The following LINGO2 variants were observed in gnomAD, a reference collection of about 807,000 sequenced individuals.
LINGO2 encodes leucine-rich repeat and immunoglobulin-like domain-containing nogo receptor-interacting protein 2.
In LINGO2, 14 loss-of-function variants were observed where a neutral mutation model predicts 30.6. The ratio of observed to expected loss-of-function variants is 0.46; its 90% CI spans 0.30 to 0.72. The LOEUF is 0.72. Ranked by LOEUF, LINGO2 falls within the 30% of genes least tolerant of loss-of-function variation. LINGO2 has a pLI of 0.07. For missense variants in LINGO2, 729 were observed against 751.7 expected (o/e 0.97, Z 0.35); for synonymous variants, 317 against 288.5 (o/e 1.10, Z -1.00).
At chr9:28,616,670 GA>G (rs1563866657) in intron 1 of LINGO2, among the ~76,000 whole-genome samples, 1 of 152,226 alleles carries the variant, frequency 6.6e-6, no homozygotes, top group Non-Finnish European at 1.5e-5. Context: ...GACAGAACTG[GA>G]AAAAAATGCA....
At chr9:29,005,412 A>T in the LINGO2 span, among the ~76,000 whole-genome samples, 1 of 151,902 alleles carries the variant, frequency 6.6e-6, no homozygotes, top group Non-Finnish European at 1.5e-5. Context: ...TCTATGAGAG[A>T]TTGGTTCCAA....
At chr9:27,951,324 T>G (rs2118351414) in intron 5 of LINGO2, among the ~76,000 whole-genome samples, 1 of 152,332 alleles carries the variant, frequency 6.6e-6, no homozygotes, top group East Asian at 1.9e-4. Context: ...AACTTTAATT[T>G]ATGAAGGGAT....
the LINGO2 span, among the ~76,000 whole-genome samples, chr9:29,059,811 C>T: frequency 4.6e-5 from 7 of 151,996 alleles, no homozygotes; most frequent in East Asian, 1.2e-3. Flanking sequence ...ACAAAAATGT[C>T]GTAGGCAGGG....
the LINGO2 span, among the ~76,000 whole-genome samples, chr9:28,835,170 G>A: frequency 6.6e-6 from 1 of 152,036 alleles, no homozygotes; most frequent in Non-Finnish European, 1.5e-5. Context: ...AACTCAAAAA[G>A]GCATTAAATA....
At chr9:28,526,713 C>T (rs1337200631) in intron 1 of LINGO2, among the ~76,000 whole-genome samples, 2 of 152,152 alleles carry the variant, frequency 1.3e-5, no homozygotes, top group Non-Finnish European at 2.9e-5. Flanking sequence ...TATAGATATC[C>T]CTGGAAGCTC....
At chr9:28,546,045 A>T (rs1280520239) in intron 1 of LINGO2, among the ~76,000 whole-genome samples, 1 of 152,096 alleles carries the variant, frequency 6.6e-6, no homozygotes, top group Non-Finnish European at 1.5e-5. Flanking sequence ...GCACAGAAAG[A>T]CAAATACTTC....
Position 28,351,504 on chromosome 9 carries a change from A to G in LINGO2, c.-246+21332T>C, listed in dbSNP as rs987513820. Among the ~76,000 whole-genome samples the G allele has an allele frequency of 6.4e-4, 97 of 151,044 alleles. 1 individual carries two copies. The highest frequency in any genetic ancestry group is 2.2e-3 in the African/African-American group (90 of 40,910). On this transcript the variant is annotated intron_variant, in intron 3 of 5. Transcript: ENST00000379992. ...AACAGGAGCTGAAATTGTGGCAATA[A>G]TCAATAGCTTACCAACCAAAAAGAG...
chr9:28,794,112 T>C, the LINGO2 span, among the ~76,000 whole-genome samples: 1 of 152,142 alleles, frequency 6.6e-6, no homozygotes, highest in Non-Finnish European at 1.5e-5. Context: ...GAGACCATCC[T>C]GGCCAACATA....
chr9:28,547,870 G>T (rs1822033809), intron 1 of LINGO2, among the ~76,000 whole-genome samples: 1 of 152,114 alleles, frequency 6.6e-6, no homozygotes, highest in African/African-American at 2.4e-5. Context: ...GAAAATAGGG[G>T]GAAGAGCATA....
intron 4 of LINGO2, among the ~76,000 whole-genome samples, chr9:28,269,748 G>A (rs1011912578): frequency 2.8e-4 from 43 of 152,020 alleles, no homozygotes; most frequent in African/African-American, 8.5e-4. Context: ...TTTCATCAGC[G>A]TAGCCATTCA....
chr9:28,279,130 A>G (rs1171665042), intron 4 of LINGO2, among the ~76,000 whole-genome samples: 1 of 152,210 alleles, frequency 6.6e-6, no homozygotes, highest in East Asian at 1.9e-4. Context: ...CAATCTCATG[A>G]TCAAACCTGA....
chr9:28,898,484 G>A, the LINGO2 span, among the ~76,000 whole-genome samples: 1,952 of 152,230 alleles, frequency 0.013, 16 homozygotes, highest in Non-Finnish European at 0.021. Flanking sequence ...GCCCATGGTA[G>A]AGGATTAAAG....
the LINGO2 span, among the ~76,000 whole-genome samples, chr9:28,884,436 A>T: frequency 6.6e-6 from 1 of 152,186 alleles, no homozygotes; most frequent in Non-Finnish European, 1.5e-5. Flanking sequence ...TTTTGTTAAC[A>T]AATGGAGACT....
chr9:28,344,797 T>C (rs528119934), intron 3 of LINGO2, among the ~76,000 whole-genome samples: 31 of 152,218 alleles, frequency 2.0e-4, no homozygotes, highest in Non-Finnish European at 4.3e-4. Flanking sequence ...TCCATCCCAT[T>C]GTCCATCATT....
chr9:28,121,151 A>G (rs1425763532), intron 4 of LINGO2, among the ~76,000 whole-genome samples: 1 of 152,186 alleles, frequency 6.6e-6, no homozygotes, highest in African/African-American at 2.4e-5. Flanking sequence ...AAAACAAACT[A>G]GAAAGAAATA....
chr9:28,305,395 G>A (rs1587429160), intron 3 of LINGO2, among the ~76,000 whole-genome samples: 2 of 151,994 alleles, frequency 1.3e-5, no homozygotes, highest in East Asian at 3.9e-4. Context: ...GAAATAAAAG[G>A]CATCCAAATT....
intron 2 of LINGO2, among the ~76,000 whole-genome samples, chr9:28,456,662 C>A (rs1824861211): frequency 6.6e-6 from 1 of 152,104 alleles, no homozygotes; most frequent in Non-Finnish European, 1.5e-5. Context: ...CAGACTATGA[C>A]CTTGAATGCC....
rs147443067 is a variant in LINGO2, at chr9:28,618,354, T to A, written c.-365+51846A>T. Among the ~76,000 whole-genome samples, 28 of 152,152 alleles carry A rather than the reference T, an allele frequency of 1.8e-4. 1 individual carries two copies. Among genetic ancestry groups the A allele is most frequent in the Non-Finnish European group, 1.5e-5 (1 of 68,002 alleles). ...ACATTCAATCATTAGCATCTCCGAGTGTGTTTCTCTCTCTCTCCTTTTCTT... is the reference window on the plus strand; with the variant it reads ...ACATTCAATCATTAGCATCTCCGAGAGTGTTTCTCTCTCTCTCCTTTTCTT... On this transcript the variant is annotated intron_variant, in intron 1 of 5. Transcript: ENST00000379992.
At chr9:28,787,267 CT>C in the LINGO2 span, among the ~76,000 whole-genome samples, 1 of 152,066 alleles carries the variant, frequency 6.6e-6, no homozygotes, top group Non-Finnish European at 1.5e-5. Flanking sequence ...GAGGAAAGAT[CT>C]TGTACACTAC....
Sources: gnomAD v4.1 joint callset for allele counts (sites outside exome capture counted in the v4.1 genomes callset) on GRCh38, gnomAD v4.1.1 for gene constraint, MANE v1.5 for transcripts, NCBI Gene and HGNC (gene_info 2026-07-23, HGNC 2026-07-21) for gene names.